The following SLC12A7 variants were observed in gnomAD, a reference collection of about 807,000 sequenced individuals.
SLC12A7 encodes K-Cl cotransporter 4.
In SLC12A7, 100 loss-of-function variants were observed where a neutral mutation model predicts 120.6. The ratio of observed to expected loss-of-function variants is 0.83; its 90% CI spans 0.71 to 0.98. SLC12A7 has a LOEUF of 0.98. SLC12A7 is among the 50% of genes least tolerant of loss of function. SLC12A7 has a pLI of 0.00. For synonymous variants in SLC12A7, 760 were observed against 678.0 expected, an observed-to-expected ratio of 1.12 and a Z score of -1.88; for missense variants, 1,373 against 1,548.1, an observed-to-expected ratio of 0.89 and a Z score of 1.90.
At position 1,086,227 on chromosome 5, in the gene SLC12A7, G is replaced by A. The variant is rs571841866; in HGVS notation, c.675+676C>T. Among the ~76,000 whole-genome samples, 3 of 152,298 alleles carry A rather than the reference G, an allele frequency of 2.0e-5. No homozygotes were observed. The South Asian group carries it at 6.2e-4, about 32-fold the overall frequency. On this transcript the variant is annotated intron_variant, in intron 6 of 23. Transcript: ENST00000264930. ...TGTGGCTCTCTTCAGGAACCCAGGA[G>A]GCCAGGAACCAGGTCTGGCAGCAGA...
chr5:1,111,759 G>A (rs1276112409), intron 1 of SLC12A7, 109 bp downstream of exon 1: 2 of 1,073,252 alleles, frequency 1.9e-6, no homozygotes, highest in East Asian at 3.9e-5. Flanking sequence ...GCGGGAAGGG[G>A]CGCCTCCTGT....
chr5:1,085,428 C>G lies in SLC12A7; in HGVS notation c.721G>C (p.Gly241Arg). Residue 241 changes from glycine to arginine, a missense_variant, in exon 7 of 24, where the codon GGT becomes CGT. Gly to Arg is a moderately radical substitution (Grantham distance 125). Transcript: ENST00000264930. Reference sequence around the variant, plus strand: ...TGCAGCATGGCGGCCGCCTCGCCACCTGCAGCCTCCGCCTGGAAGATGGCC... The same window carrying G: ...TGCAGCATGGCGGCCGCCTCGCCACGTGCAGCCTCCGCCTGGAAGATGGCC... ...GAAIFQAEAA[G>R]GEAAAMLHNM... 1 of 1,609,784 alleles carries G rather than the reference C, an allele frequency of 6.2e-7. No homozygotes were observed. Among genetic ancestry groups the G allele is most frequent in the Non-Finnish European group, 8.5e-7 (1 of 1,178,742 alleles).
At chr5:1,110,293 T>C (rs899196873) in intron 1 of SLC12A7, among the ~76,000 whole-genome samples, 2 of 152,210 alleles carry the variant, frequency 1.3e-5, no homozygotes, top group Non-Finnish European at 2.9e-5. Flanking sequence ...AGCCCACACC[T>C]GGCCCATGCC....
At chr5:1,121,456 C>T in the SLC12A7 span, among the ~76,000 whole-genome samples, 7 of 152,324 alleles carry the variant, frequency 4.6e-5, no homozygotes, top group African/African-American at 7.2e-5. Flanking sequence ...CAAGCAGGAT[C>T]GTCACCCTCA....
In SLC12A7 at chr5:1,077,908, G is replaced by A. The variant is rs745653159; in HGVS notation, c.1554C>T (p.Ala518=). ...GTGCCCCCGTGAGGCTCTGCAGGCC[G>A]GCACCGCAGGTGGAGAAGAAGGAGC... ...VIGSFFSTCG[A]GLQSLTGAPR... The change falls in exon 12 of 24, where the codon GCC becomes GCT. Residue 518 remains alanine (A), a synonymous_variant. Transcript: ENST00000264930. 54 of 1,599,498 alleles carry A rather than the reference G, an allele frequency of 3.4e-5. No individual in the cohort carries two copies. Among genetic ancestry groups the A allele is most frequent in the African/African-American group, 5.4e-5 (4 of 74,606 alleles).
rs560226779 is a variant in SLC12A7 at position 1,069,747 on chromosome 5, G to A, written c.2241+3886C>T. On this transcript the variant is annotated intron_variant, in intron 17 of 23. Transcript: ENST00000264930. ...GACGTGACGTGACGTGACGTGATGG[G>A]ACCCCACAGGCTTTCATCGTGTCAT... Among the ~76,000 whole-genome samples the A allele has an allele frequency of 1.7e-4, 26 of 152,292 alleles. No individual in the cohort carries two copies. The East Asian group carries it at 4.6e-3, about 27-fold the overall frequency.
At chr5:1,139,327 G>C in the SLC12A7 span, among the ~76,000 whole-genome samples, 1 of 152,268 alleles carries the variant, frequency 6.6e-6, no homozygotes. Flanking sequence ...CCCAGCCCTG[G>C]TGGGGAGCAG....
chr5:1,078,595 C>T (rs866172849), intron 11 of SLC12A7, 106 bp downstream of exon 11: 21 of 916,072 alleles, frequency 2.3e-5, no homozygotes, highest in East Asian at 5.2e-5. Context: ...CAGCTCTGCA[C>T]GCGGACATGA....
chr5:1,136,731 G>A, the SLC12A7 span, among the ~76,000 whole-genome samples: 2 of 122,464 alleles, frequency 1.6e-5, no homozygotes, highest in Admixed American at 1.7e-4. Context: ...GCACACGTGT[G>A]CTCAGACACC....
the SLC12A7 span, among the ~76,000 whole-genome samples, chr5:1,147,247 GCCACCC>G: frequency 4.0e-5 from 3 of 75,304 alleles, no homozygotes; most frequent in Non-Finnish European, 3.1e-5. Flanking sequence ...GGCCCACCCC[GCCACCC>G]CCCCCGCCCC....
the SLC12A7 span, among the ~76,000 whole-genome samples, chr5:1,141,308 C>A: frequency 1.3e-5 from 2 of 152,342 alleles, no homozygotes; most frequent in East Asian, 3.9e-4. Flanking sequence ...ATGACCTCTG[C>A]AAACAGCTCC....
the SLC12A7 span, among the ~76,000 whole-genome samples, chr5:1,140,555 A>G: frequency 6.6e-6 from 1 of 152,304 alleles, no homozygotes; most frequent in South Asian, 2.1e-4. Flanking sequence ...GGGAGGCGTC[A>G]TTCTGTAAAC....
At chr5:1,146,875 C>T in the SLC12A7 span, among the ~76,000 whole-genome samples, 1 of 152,264 alleles carries the variant, frequency 6.6e-6, no homozygotes, top group Admixed American at 6.5e-5. The surrounding 1 kb of genome is among the most constrained non-coding windows in gnomAD (Gnocchi z 6.5). Flanking sequence ...CCTTTCTGGA[C>T]CTGACCAATG....
At position 1,076,848 on chromosome 5, in the gene SLC12A7, C is replaced by T. The variant is rs762050098; in HGVS notation, c.1630-36G>A. On this transcript the variant is annotated intron_variant, in intron 12 of 23. Coordinates refer to ENST00000264930, the MANE Select transcript of SLC12A7 (RefSeq NM_006598.3). ...AAGGGCAGGAAGATGGGGCAGATGA[C>T]ACCACCCTTTTAGGAGAGAAGCTGC... The T allele has an allele frequency of 7.9e-6, 11 of 1,396,860 alleles. No individual in the cohort carries two copies. In the Admixed American group the frequency reaches 1.3e-4, roughly 17 times the overall value. The allele number at this position is 1,396,860 out of a possible 1,614,324, so 86.5% of individuals were successfully genotyped here.
chr5:1,111,433 C>T (rs946086222), intron 1 of SLC12A7, among the ~76,000 whole-genome samples: 1 of 152,116 alleles, frequency 6.6e-6, no homozygotes, highest in South Asian at 2.1e-4. Flanking sequence ...CCGGCCCGGG[C>T]TAGTGTTACC....
At chr5:1,142,416 TCCTCA>T in the SLC12A7 span, among the ~76,000 whole-genome samples, 1 of 41,976 alleles carries the variant, frequency 2.4e-5, no homozygotes, top group African/African-American at 1.2e-4. Context: ...CCCTCTCCCC[TCCTCA>T]CTCTCTCATC....
the SLC12A7 span, among the ~76,000 whole-genome samples, chr5:1,146,429 C>T: frequency 4.0e-4 from 61 of 152,264 alleles, no homozygotes; most frequent in African/African-American, 1.5e-3. This position sits in a 1 kb window ranked among gnomAD's most constrained non-coding sequence, Gnocchi z 6.5. Context: ...GCAGTGGTGG[C>T]CTGCTGAGAG....
the SLC12A7 span, among the ~76,000 whole-genome samples, chr5:1,122,711 G>A: frequency 9.4e-4 from 143 of 152,218 alleles, no homozygotes; most frequent in Non-Finnish European, 1.8e-3. Context: ...GCGGCATGAC[G>A]TCCACACAGC....
At chr5:1,085,534 T>G in intron 6 of SLC12A7, 61 bp from the exon 7 acceptor site, 1 of 1,505,860 alleles carries the variant, frequency 6.6e-7, no homozygotes, top group African/African-American at 1.4e-5. Flanking sequence ...TGCCCGTCCC[T>G]CCCGCAAGCC....
Sources: gnomAD v4.1 joint callset for allele counts (sites outside exome capture counted in the v4.1 genomes callset) on GRCh38, gnomAD v4.1.1 for gene constraint, Gnocchi (gnomAD v3.1) non-coding constraint, MANE v1.5 for transcripts, NCBI Gene and HGNC (gene_info 2026-07-23, HGNC 2026-07-21) for gene names.